Variants in PCDH9 observed in about 807,000 individuals in gnomAD.
PCDH9 encodes protocadherin 9.
In PCDH9, 24 loss-of-function variants were observed where a neutral mutation model predicts 70.6. The ratio of observed to expected loss-of-function variants is 0.34; its 90% CI spans 0.25 to 0.48. The LOEUF (loss-of-function observed/expected upper bound fraction) is 0.48, where lower values mean the gene tolerates loss of function less well. Among genes scored for constraint, PCDH9 ranks in the 20% least tolerant of loss-of-function variants. PCDH9 has a pLI of 0.99. For missense variants in PCDH9, 1,281 were observed against 1,503.6 expected (o/e 0.85, Z 2.45); for synonymous variants, 562 against 558.5 (o/e 1.01, Z -0.09).
intron 2 of PCDH9, among the ~76,000 whole-genome samples, chr13:67,139,193 A>G (rs2087310293): frequency 6.6e-6 from 1 of 152,216 alleles, no homozygotes; most frequent in Non-Finnish European, 1.5e-5. Context: ...CTGAAACATT[A>G]ACTGAAGACT....
At chr13:66,782,424 A>G (rs1486224848) in intron 3 of PCDH9, among the ~76,000 whole-genome samples, 1 of 152,118 alleles carries the variant, frequency 6.6e-6, no homozygotes, top group African/African-American at 2.4e-5. Context: ...CTCTAGAACT[A>G]GGCGGCCCAA....
chr13:66,885,570 G>A (rs2081991612), intron 3 of PCDH9, among the ~76,000 whole-genome samples: 2 of 152,090 alleles, frequency 1.3e-5, no homozygotes, highest in Admixed American at 1.3e-4. Context: ...ATGAGAAAGA[G>A]AGAAAGAGTT....
intron 4 of PCDH9, among the ~76,000 whole-genome samples, chr13:66,490,517 C>T (rs1959017216): frequency 6.6e-6 from 1 of 151,834 alleles, no homozygotes; most frequent in African/African-American, 2.4e-5. Flanking sequence ...TGAGATTCAG[C>T]ACAAGGTTTA....
intron 3 of PCDH9, among the ~76,000 whole-genome samples, chr13:66,872,968 G>C (rs980284181): frequency 6.6e-6 from 1 of 152,124 alleles, no homozygotes; most frequent in Non-Finnish European, 1.5e-5. Flanking sequence ...AATGATGATA[G>C]GAAGAAGATA....
intron 3 of PCDH9, among the ~76,000 whole-genome samples, chr13:66,886,892 T>C (rs1466809009): frequency 2.0e-5 from 3 of 152,102 alleles, no homozygotes; most frequent in African/African-American, 7.2e-5. Flanking sequence ...CTGAGATACA[T>C]ATACTTTTGT....
At chr13:66,690,047 T>C (rs974005313) in intron 3 of PCDH9, among the ~76,000 whole-genome samples, 1 of 152,118 alleles carries the variant, frequency 6.6e-6, no homozygotes, top group Admixed American at 6.6e-5. Flanking sequence ...TAAACCTACA[T>C]AAATAAAAGC....
intron 4 of PCDH9, among the ~76,000 whole-genome samples, chr13:66,519,617 T>C (rs1227506928): frequency 6.6e-6 from 1 of 152,052 alleles, no homozygotes; most frequent in Non-Finnish European, 1.5e-5. Flanking sequence ...AGAATGTGAG[T>C]GTCATATAGT....
At chr13:67,123,421 A>G (rs1418551309) in intron 2 of PCDH9, among the ~76,000 whole-genome samples, 4 of 152,198 alleles carry the variant, frequency 2.6e-5, no homozygotes. Context: ...AAAGAAAGAT[A>G]CTTCCTTCCT....
At chr13:66,806,183 C>G (rs1042654111) in intron 3 of PCDH9, among the ~76,000 whole-genome samples, 1 of 152,114 alleles carries the variant, frequency 6.6e-6, no homozygotes, top group East Asian at 1.9e-4. Flanking sequence ...AAAAATATGT[C>G]AAAACTTATT....
chr13:66,424,919 A>G (rs762965919), intron 4 of PCDH9, among the ~76,000 whole-genome samples: 2 of 151,868 alleles, frequency 1.3e-5, no homozygotes. Flanking sequence ...AGAAATAGTT[A>G]ACTGGGAGCT....
chr13:66,531,208 G>T (rs9571591), intron 4 of PCDH9, among the ~76,000 whole-genome samples: 145,094 of 151,952 alleles, frequency 0.95, 69,652 homozygotes, highest in East Asian at 1. Context: ...TGATAAGACC[G>T]GCTAGGCTAA....
intron 3 of PCDH9, among the ~76,000 whole-genome samples, chr13:66,775,972 C>G (rs1189082852): frequency 6.6e-6 from 1 of 152,124 alleles, no homozygotes; most frequent in Admixed American, 6.5e-5. Flanking sequence ...TTCCATCCAC[C>G]ATGTTGGAGG....
intron 4 of PCDH9, among the ~76,000 whole-genome samples, chr13:66,338,005 T>G (rs1302733560): frequency 6.6e-6 from 1 of 152,110 alleles, no homozygotes; most frequent in African/African-American, 2.4e-5. Flanking sequence ...TGAGATCAGA[T>G]GGACCTGGCT....
At position 66,304,899 on chromosome 13, in the gene PCDH9, G is replaced by A. The variant is rs1955435995; in HGVS notation, c.3470C>T (p.Pro1157Leu). The A allele has an allele frequency of 6.2e-7, 1 of 1,613,556 alleles. No homozygotes were observed. The highest frequency in any genetic ancestry group is 8.5e-7 in the Non-Finnish European group (1 of 1,179,750). ...TTTCTGGGGTGCAAAGGTTGAGAGAGGAGATTTGGGGTGTTGATATGGACC... is the reference window on the plus strand; with the variant it reads ...TTTCTGGGGTGCAAAGGTTGAGAGAAGAGATTTGGGGTGTTGATATGGACC... ...GLGPYQHPKS[P>L]LSTFAPQKEW... The change falls in exon 5 of 5, where the codon CCT (proline) becomes CTT (leucine). Residue 1157 changes from proline to leucine, a missense_variant. By Grantham distance (98) the Pro-to-Leu change is moderately conservative. Around this residue, in one of 4 missense-constraint regions of PCDH9, gnomAD observed 264 missense variants for 278.8 expected, o/e 0.95. Coordinates refer to ENST00000377865, the MANE Select transcript of PCDH9 (RefSeq NM_203487.3).
chr13:66,498,345 G>C (rs1486385651), intron 4 of PCDH9, among the ~76,000 whole-genome samples: 1 of 151,622 alleles, frequency 6.6e-6, no homozygotes, highest in Non-Finnish European at 1.5e-5. Flanking sequence ...GGGTTTCACC[G>C]TGTTAGCCAG....
intron 3 of PCDH9, among the ~76,000 whole-genome samples, chr13:66,892,774 A>C (rs1198422909): frequency 6.6e-6 from 1 of 152,120 alleles, no homozygotes; most frequent in Admixed American, 6.6e-5. Context: ...ATATTATTGA[A>C]GATTATATCT....
chr13:66,350,927 C>T (rs935851454), intron 4 of PCDH9, among the ~76,000 whole-genome samples: 1 of 152,072 alleles, frequency 6.6e-6, no homozygotes, highest in Non-Finnish European at 1.5e-5. Context: ...CTTTCGTAGG[C>T]CAAAATGTAA....
At chr13:66,842,672 G>GT (rs1389662215) in intron 3 of PCDH9, among the ~76,000 whole-genome samples, 1 of 152,130 alleles carries the variant, frequency 6.6e-6, no homozygotes, top group Admixed American at 6.5e-5. Flanking sequence ...ATACATCAGT[G>GT]TTTTTGTAAT....
intron 4 of PCDH9, among the ~76,000 whole-genome samples, chr13:66,604,798 T>C (rs1367703373): frequency 6.6e-6 from 1 of 152,116 alleles, no homozygotes; most frequent in African/African-American, 2.4e-5. Context: ...TTTTTTCAAA[T>C]ACTTTTTATG....
Sources: gnomAD v4.1 joint callset for allele counts (sites outside exome capture counted in the v4.1 genomes callset) on GRCh38, gnomAD v4.1.1 for gene constraint, gnomAD v4.1.1 regional missense constraint, MANE v1.5 for transcripts, NCBI Gene and HGNC (gene_info 2026-07-23, HGNC 2026-07-21) for gene names.